The following CDC27 variants were observed in gnomAD, a reference collection of about 807,000 sequenced individuals.
The protein encoded by CDC27 is cell division cycle 27, also known as cell division cycle protein 27 homolog.
Under a neutral mutation model 109.7 loss-of-function variants are expected in CDC27, and 27 were observed. That is an observed-to-expected ratio of 0.25 (90% CI 0.18 to 0.34). The LOEUF is 0.34. Among genes scored for constraint, CDC27 ranks in the 10% least tolerant of loss-of-function variants. CDC27 has a pLI of 1.00. For missense variants in CDC27, 579 were observed against 960.2 expected (o/e 0.60, Z 5.25); for synonymous variants, 266 against 333.9 (o/e 0.80, Z 2.22).
chr17:47,142,581 G>T, intron 10 of CDC27, 145 bp from the exon 11 acceptor site: 2 of 491,920 alleles, frequency 4.1e-6, no homozygotes, highest in Non-Finnish European at 7.1e-6. Context: ...TAAAAACAAA[G>T]GTCTTCAAAG....
In CDC27 at chr17:47,134,785, CTTTTTTTTTT is replaced by C. The variant is rs376654308; in HGVS notation, c.1913+2357_1913+2366del. Among the ~76,000 whole-genome samples, 9 of 125,020 alleles carry C rather than the reference CTTTTTTTTTT, an allele frequency of 7.2e-5. No individual in the cohort carries two copies. The East Asian group carries it at 2.1e-3, about 29-fold the overall frequency. The allele number at this position is 125,020 out of a possible 152,430, so 82.0% of individuals were successfully genotyped here. ...CACCGTGCCCGGCCTTAATTGTTTTCTTTTTTTTTTTTTTTTTTTGTTAGGGAAGGGGTCT... is the reference window on the plus strand; with the variant it reads ...CACCGTGCCCGGCCTTAATTGTTTTCTTTTTTTTTGTTAGGGAAGGGGTCT... On this transcript the variant is annotated intron_variant, in intron 14 of 18. Coordinates refer to ENST00000066544, the MANE Select transcript of CDC27 (RefSeq NM_001256.6).
chr17:47,170,413 G>T (rs1187642296), intron 3 of CDC27: 1 of 153,500 alleles, frequency 6.5e-6, no homozygotes, highest in South Asian at 2.1e-4. Context: ...GACCAGGCTG[G>T]TTTCAAACTC....
chr17:47,165,426 C>T (rs543832118), intron 4 of CDC27, among the ~76,000 whole-genome samples: 59 of 152,292 alleles, frequency 3.9e-4, no homozygotes, highest in African/African-American at 1.4e-3. Flanking sequence ...TAATGGCTAA[C>T]GATTTAGAAC....
At chr17:47,173,894 C>A (rs183402) in intron 2 of CDC27, among the ~76,000 whole-genome samples, 92,331 of 152,056 alleles carry the variant, frequency 0.61, 28,523 homozygotes, top group Admixed American at 0.68. Flanking sequence ...GGAATTCAAG[C>A]CCAGCCTGGC....
chr17:47,119,522 T>C lies in CDC27; in HGVS notation c.*1413A>G, dbSNP rs1402402691. On this transcript the variant is annotated 3_prime_UTR_variant, in exon 19 of 19. Coordinates refer to ENST00000066544, the MANE Select transcript of CDC27 (RefSeq NM_001256.6). ...ATCAAATAATCCAGAATAATAACTG[T>C]AGGCCTGTCATTCATAAGAAACTAT... 6.6e-6 allele frequency: 1 copy of C among 152,178 alleles called. No individual in the cohort carries two copies. Among genetic ancestry groups the C allele is most frequent in the East Asian group, 1.9e-4 (1 of 5,204 alleles). 9.4% of individuals were successfully genotyped at this position (152,178 alleles called of 1,614,324 possible).
chr17:47,160,554 A>G (rs568573032), intron 4 of CDC27, among the ~76,000 whole-genome samples: 1 of 152,256 alleles, frequency 6.6e-6, no homozygotes, highest in African/African-American at 2.4e-5. Context: ...AAATAGGAGG[A>G]TGGAAGGGGT....
At chr17:47,152,024 A>G in intron 8 of CDC27, 106 bp from the exon 9 acceptor site, 2 of 917,892 alleles carry the variant, frequency 2.2e-6, no homozygotes, top group Non-Finnish European at 3.1e-6. Flanking sequence ...AAGCAGCCAT[A>G]ATATACTGTC....
At chr17:47,156,846 A>G (rs2063321521) in intron 7 of CDC27, 67 bp downstream of exon 7, 1 of 536,770 alleles carries the variant, frequency 1.9e-6, no homozygotes, top group African/African-American at 1.9e-5. Flanking sequence ...CTGCATTACT[A>G]ACAATATGAG....
At chr17:47,158,713 C>T (rs1020894532) in intron 4 of CDC27, among the ~76,000 whole-genome samples, 1 of 151,692 alleles carries the variant, frequency 6.6e-6, no homozygotes, top group African/African-American at 2.4e-5. Context: ...CTACTTCCTA[C>T]GCTAAAGCCA....
intron 9 of CDC27, among the ~76,000 whole-genome samples, chr17:47,147,357 C>T (rs2062994218): frequency 6.6e-6 from 1 of 151,430 alleles, no homozygotes; most frequent in Non-Finnish European, 1.5e-5. Flanking sequence ...CGAGATCGCG[C>T]CACTGCACTC....
chr17:47,168,911 G>C (rs751420012), intron 4 of CDC27, among the ~76,000 whole-genome samples: 2 of 151,808 alleles, frequency 1.3e-5, no homozygotes, highest in African/African-American at 4.8e-5. Context: ...CTTCTCCCAC[G>C]GGGGAGAAGT....
intron 16 of CDC27, 33 bp downstream of exon 16, chr17:47,129,360 C>T (rs1294356478): frequency 6.6e-7 from 1 of 1,522,122 alleles, no homozygotes; most frequent in Non-Finnish European, 9.0e-7. Context: ...TTAAGCAATA[C>T]AACACTGAAG....
intron 7 of CDC27, among the ~76,000 whole-genome samples, chr17:47,155,350 A>G (rs756082072): frequency 3.8e-4 from 58 of 152,232 alleles, no homozygotes; most frequent in Non-Finnish European, 6.9e-4. Context: ...GGTTCAAATG[A>G]TTCTTGTGCC....
intron 1 of CDC27, 51 bp downstream of exon 1, chr17:47,189,095 C>T (rs1567734912): frequency 4.4e-6 from 7 of 1,598,438 alleles, no homozygotes; most frequent in Non-Finnish European, 5.1e-6. Context: ...TACGCTGCTG[C>T]TTCCCGACCG....
chr17:47,139,226 C>T (rs966681731), intron 12 of CDC27, among the ~76,000 whole-genome samples: 1 of 151,722 alleles, frequency 6.6e-6, no homozygotes, highest in African/African-American at 2.4e-5. Context: ...TTCTCAAAAA[C>T]CTCATTTCCA....
At chr17:47,171,784 A>G (rs1158476240) in intron 3 of CDC27, 133 bp downstream of exon 3, 11 of 617,432 alleles carry the variant, frequency 1.8e-5, no homozygotes, top group Non-Finnish European at 2.5e-5. Flanking sequence ...CAACAGTGTA[A>G]ACATTTCGAA....
At chr17:47,134,980 C>T (rs1191082598) in intron 14 of CDC27, among the ~76,000 whole-genome samples, 3 of 151,754 alleles carry the variant, frequency 2.0e-5, no homozygotes, top group African/African-American at 7.3e-5. Flanking sequence ...TGTGCCAAGA[C>T]CATTGCTAAA....
chr17:47,172,722 C>G (rs763586461), intron 2 of CDC27, among the ~76,000 whole-genome samples: 48 of 152,220 alleles, frequency 3.2e-4, no homozygotes, highest in Middle Eastern at 3.4e-3. Context: ...ATGCCCCCTG[C>G]CTTCTTAATG....
chr17:47,152,484 T>C (rs1291694036), intron 8 of CDC27, among the ~76,000 whole-genome samples: 5 of 152,206 alleles, frequency 3.3e-5, no homozygotes, highest in African/African-American at 1.2e-4. Flanking sequence ...TCTTCATTAA[T>C]TGGTTTCTGT....
Sources: gnomAD v4.1 joint callset for allele counts (sites outside exome capture counted in the v4.1 genomes callset) on GRCh38, gnomAD v4.1.1 for gene constraint, MANE v1.5 for transcripts, NCBI Gene and HGNC (gene_info 2026-07-23, HGNC 2026-07-21) for gene names.